KCNQ2: variants seen among roughly 807,000 people sequenced by gnomAD.
KCNQ2 encodes potassium voltage-gated channel subfamily Q member 2, also known as potassium voltage-gated channel subfamily KQT member 2.
KCNQ2 carries 14 observed loss-of-function variants against 84.8 expected under a neutral mutation model. The observed-to-expected ratio is 0.17, with a 90% CI of 0.11 to 0.26. The LOEUF is 0.26. Ranked by LOEUF, KCNQ2 falls within the 10% of genes least tolerant of loss-of-function variation. The pLI is 1.00. For missense variants in KCNQ2, 788 were observed against 1,254.0 expected (o/e 0.63, Z 5.61); for synonymous variants, 599 against 554.1 (o/e 1.08, Z -1.14).
chr20:63,420,517 C>T (rs2080435017), intron 11 of KCNQ2, among the ~76,000 whole-genome samples: 1 of 151,420 alleles, frequency 6.6e-6, no homozygotes, highest in South Asian at 2.1e-4. Context: ...AACTCGGTGC[C>T]CCAGGAACCC....
Position 63,401,086 on chromosome 20 carries a change from G to A in KCNQ2, c.*5558C>T, listed in dbSNP as rs1014363657. 4.9e-5 allele frequency: 19 copies of A among 390,134 alleles called. No homozygotes were observed. The highest frequency in any genetic ancestry group is 8.6e-5 in the Non-Finnish European group (19 of 221,232). 24.2% of individuals were successfully genotyped at this position (390,134 alleles called of 1,614,324 possible). On this transcript the variant is annotated 3_prime_UTR_variant, in exon 17 of 17. Coordinates refer to ENST00000359125, the MANE Select transcript of KCNQ2 (RefSeq NM_172107.4). ...GAGTCAGACGCTGAGGACCTCTCAG[G>A]ACGGGGCCCCTGGCCAGAGCCAGTC...
At chr20:63,447,640 G>A (rs1293294346) in intron 1 of KCNQ2, among the ~76,000 whole-genome samples, 1 of 151,442 alleles carries the variant, frequency 6.6e-6, no homozygotes, top group Non-Finnish European at 1.5e-5. Flanking sequence ...TGTCGCGCAG[G>A]CTGGAGTGCA....
rs75507947 is a variant in KCNQ2 at position 63,434,981 on chromosome 20, C to T, written c.1024-1078G>A. 5.1e-3 allele frequency among the ~76,000 whole-genome samples: 772 copies of T among 152,312 alleles called. 8 individuals are homozygous for T. Among genetic ancestry groups the T allele is most frequent in the African/African-American group, 0.017 (689 of 41,566 alleles). Reference sequence around the variant, plus strand: ...AGAATGGCCGGGTCACGTGACAACTCCACGTTTACGAACTTTCTGAGAAAC... The same window carrying T: ...AGAATGGCCGGGTCACGTGACAACTTCACGTTTACGAACTTTCTGAGAAAC... On this transcript the variant is annotated intron_variant, in intron 7 of 16. Coordinates refer to ENST00000359125, the MANE Select transcript of KCNQ2 (RefSeq NM_172107.4).
chr20:63,414,818 C>T lies in KCNQ2; in HGVS notation c.1525+85G>A, dbSNP rs915675658. The T allele has an allele frequency of 3.9e-5, 52 of 1,350,300 alleles. No homozygotes were observed. In the Middle Eastern group the frequency reaches 7.5e-4, roughly 20 times the overall value. The allele number at this position is 1,350,300 out of a possible 1,614,324, so 83.6% of individuals were successfully genotyped here. A position where few individuals can be genotyped will look rare whatever the true frequency, so the allele number is the denominator to read the frequency against. On this transcript the variant is annotated intron_variant, in intron 13 of 16. Transcript: ENST00000359125. The surrounding 1 kb of genome is among the most constrained non-coding windows in gnomAD (Gnocchi z 6.6). ...CTCCAAGAGCAAGCAAAAGCAGCTG[C>T]GACGCCACAGGGTGGCCACAGTAGC...
At chr20:63,457,076 C>A (rs574536365) in intron 1 of KCNQ2, among the ~76,000 whole-genome samples, 3 of 152,386 alleles carry the variant, frequency 2.0e-5, no homozygotes, top group African/African-American at 7.2e-5. Context: ...ACACACGCCA[C>A]CTCCCACCTC....
intron 5 of KCNQ2, among the ~76,000 whole-genome samples, chr20:63,441,815 G>A (rs2081169816): frequency 6.6e-6 from 1 of 152,246 alleles, no homozygotes; most frequent in Non-Finnish European, 1.5e-5. Context: ...TAGGCACCAG[G>A]TGGAGCTGCC....
Position 63,406,825 on chromosome 20 carries a change from T to C in KCNQ2, c.2438A>G (p.Asn813Ser), listed in dbSNP as rs931372520. ...GTAGCAGCTGTTGAGAGCATCCAGG[T>C]TCTCCTTGGACTGGGAGATGCTGAA... ...SGFSISQSKE[N>S]LDALNSCYAA... Residue 813 changes from asparagine (N) to serine (S), a missense_variant, in exon 17 of 17, where the codon AAC (asparagine) becomes AGC (serine). This residue lies in a region of KCNQ2 where 378 missense variants were observed against 434.5 expected (regional missense o/e 0.87). Transcript: ENST00000359125. 1.9e-6 allele frequency: 3 copies of C among 1,612,616 alleles called. No homozygotes were observed. Among genetic ancestry groups the C allele is most frequent in the Non-Finnish European group, 2.5e-6 (3 of 1,179,850 alleles).
chr20:63,438,310 T>C lies in KCNQ2; in HGVS notation c.1023+315A>G. On this transcript the variant is annotated intron_variant, in intron 7 of 16. Coordinates refer to ENST00000359125, the MANE Select transcript of KCNQ2 (RefSeq NM_172107.4). This position sits in a 1 kb window ranked among gnomAD's most constrained non-coding sequence, Gnocchi z 5.1. ...GTGTGGGCTCTAGGAGCCTTGGCCC[T>C]GCAGCTGCAGAACGGGTGTGCTCAC... 1 of 478,576 alleles carries C rather than the reference T, an allele frequency of 2.1e-6. No individual in the cohort carries two copies. The highest frequency in any genetic ancestry group is 3.9e-6 in the Non-Finnish European group (1 of 258,530). 29.6% of individuals were successfully genotyped at this position (478,576 alleles called of 1,614,324 possible).
intron 14 of KCNQ2, 115 bp from the exon 15 acceptor site, chr20:63,413,696 C>T: frequency 8.9e-7 from 1 of 1,121,348 alleles, no homozygotes; most frequent in Non-Finnish European, 1.3e-6. Context: ...GGACTTGCCC[C>T]TCTTGTCTGC....
intron 10 of KCNQ2, among the ~76,000 whole-genome samples, chr20:63,427,201 G>A (rs1028353758): frequency 5.3e-5 from 8 of 152,220 alleles, no homozygotes; most frequent in Non-Finnish European, 1.2e-4. Context: ...CAGCCTGGGC[G>A]AAAGAGCAAG....
Position 63,424,016 on chromosome 20 carries a change from C to T in KCNQ2, c.1247+161G>A, listed in dbSNP as rs937173103. ...GCAGGAAGAGTGATTTAAGGGCCCA[C>T]ATCACCGCCAGGCGGGGGTCTGGAC... On this transcript the variant is annotated intron_variant, in intron 11 of 16. Transcript: ENST00000359125. 1.5e-5 allele frequency: 11 copies of T among 725,148 alleles called. 1 individual carries two copies. In the South Asian group the frequency reaches 1.9e-4, roughly 12 times the overall value. 44.9% of individuals were successfully genotyped at this position (725,148 alleles called of 1,614,324 possible).
rs532111320 is a variant in KCNQ2, at chr20:63,419,611, C to G, written c.1301+8G>C. 7 of 1,608,314 alleles carry G rather than the reference C, an allele frequency of 4.4e-6. No individual in the cohort carries two copies. Among genetic ancestry groups the G allele is most frequent in the Non-Finnish European group, 5.9e-6 (7 of 1,178,434 alleles). On this transcript the variant is annotated splice_region_variant and intron_variant, in intron 12 of 16. Coordinates refer to ENST00000359125, the MANE Select transcript of KCNQ2 (RefSeq NM_172107.4). ...AGCCGTCAGTCCGTGCGGCGTGTTC[C>G]GCGGTACCTAGAGCGTCCGGGGCAG...
rs1359003454 is a variant in KCNQ2 at position 63,400,901 on chromosome 20, C to T, written c.*5743G>A. Reference sequence around the variant, plus strand: ...GGGTCCAGGGCGTCCGTACCTGGCACAGCCAGGGGGCATGGGGCGACCTCA... The same window carrying T: ...GGGTCCAGGGCGTCCGTACCTGGCATAGCCAGGGGGCATGGGGCGACCTCA... On this transcript the variant is annotated 3_prime_UTR_variant, in exon 17 of 17. Coordinates refer to ENST00000359125, the MANE Select transcript of KCNQ2 (RefSeq NM_172107.4). This position sits in a 1 kb window ranked among gnomAD's most constrained non-coding sequence, Gnocchi z 8.7. The T allele has an allele frequency of 5.0e-6, 2 of 398,208 alleles. No individual in the cohort carries two copies. The highest frequency in any genetic ancestry group is 3.6e-5 in the East Asian group (1 of 28,074). 24.7% of individuals were successfully genotyped at this position (398,208 alleles called of 1,614,324 possible).
At chr20:63,440,558 C>T (rs2145724264) in intron 5 of KCNQ2, among the ~76,000 whole-genome samples, 1 of 152,316 alleles carries the variant, frequency 6.6e-6, no homozygotes, top group African/African-American at 2.4e-5. Context: ...CCAGGACAGG[C>T]CCTGTGAGGG....
rs893824779 is a variant in KCNQ2, at chr20:63,425,988, G to A, written c.1218-1782C>T. Among the ~76,000 whole-genome samples, 9 of 152,194 alleles carry A rather than the reference G, an allele frequency of 5.9e-5. No individual in the cohort carries two copies. The highest frequency in any genetic ancestry group is 1.5e-5 in the Non-Finnish European group (1 of 68,032). ...AATCCGGCGGGGCAAACTCCACGTG[G>A]CACAGCTCTGGGGACGCTCCTCGGG... On this transcript the variant is annotated intron_variant, in intron 10 of 16. Coordinates refer to ENST00000359125, the MANE Select transcript of KCNQ2 (RefSeq NM_172107.4). This position sits in a 1 kb window ranked among gnomAD's most constrained non-coding sequence, Gnocchi z 5.5.
intron 1 of KCNQ2, among the ~76,000 whole-genome samples, chr20:63,458,292 G>A (rs2081857697): frequency 6.6e-6 from 1 of 152,014 alleles, no homozygotes; most frequent in Non-Finnish European, 1.5e-5. Flanking sequence ...GCCAGCATAG[G>A]CGAGCCCCAG....
At chr20:63,428,307 G>A (rs1007328821) in intron 10 of KCNQ2, 60 bp downstream of exon 10, 14 of 1,343,408 alleles carry the variant, frequency 1.0e-5, no homozygotes, top group African/African-American at 8.7e-5. Context: ...TCTGTGGGCA[G>A]CTGGGGCCCC....
chr20:63,417,052 C>T (rs536718063), intron 12 of KCNQ2, among the ~76,000 whole-genome samples: 15 of 152,284 alleles, frequency 9.9e-5, no homozygotes, highest in African/African-American at 3.1e-4. Flanking sequence ...CGTCAGGAGC[C>T]GATGGTACAG....
At chr20:63,418,798 A>C (rs962069098) in intron 12 of KCNQ2, among the ~76,000 whole-genome samples, 1 of 152,206 alleles carries the variant, frequency 6.6e-6, no homozygotes, top group African/African-American at 2.4e-5. Context: ...AGAGGGTGGC[A>C]TGGAGTCGCG....
Sources: gnomAD v4.1 joint callset for allele counts (sites outside exome capture counted in the v4.1 genomes callset) on GRCh38, gnomAD v4.1.1 for gene constraint, gnomAD v4.1.1 regional missense constraint, Gnocchi (gnomAD v3.1) non-coding constraint, MANE v1.5 for transcripts, NCBI Gene and HGNC (gene_info 2026-07-23, HGNC 2026-07-21) for gene names.